The following ZDHHC19 variants were observed in gnomAD, a reference collection of about 807,000 sequenced individuals.
ZDHHC19 encodes the protein zDHHC palmitoyltransferase 19, also known as palmitoyltransferase ZDHHC19.
ZDHHC19 carries 30 observed loss-of-function variants against 33.9 expected under a neutral mutation model. That is an observed-to-expected ratio of 0.88 (90% CI 0.66 to 1.20). ZDHHC19 has a LOEUF of 1.20. ZDHHC19 is among the 50% of genes most tolerant of loss of function. The pLI, the probability that ZDHHC19 is intolerant of heterozygous loss-of-function variation, is 0.00. For synonymous variants in ZDHHC19, 178 were observed against 167.6 expected, an observed-to-expected ratio of 1.06 and a Z score of -0.48; for missense variants, 364 against 401.1, an observed-to-expected ratio of 0.91 and a Z score of 0.79.
chr3:196,208,885 C>T (rs1046447991), intron 3 of ZDHHC19: 21 of 352,262 alleles, frequency 6.0e-5, no homozygotes, highest in Non-Finnish European at 7.9e-5. Flanking sequence ...CTCATCCATT[C>T]GATGAAGATG....
chr3:196,210,455 G>GAAAAGAA (rs61351386), intron 2 of ZDHHC19, among the ~76,000 whole-genome samples, 161 bp downstream of exon 2: 12,160 of 144,080 alleles, frequency 0.084, 2,164 homozygotes, highest in African/African-American at 0.3. Flanking sequence ...AAAGAAAAGA[G>GAAAAGAA]AAGAGAAGAA....
chr3:196,207,536 C>A, intron 4 of ZDHHC19, 33 bp from the exon 5 acceptor site: 1 of 1,506,082 alleles, frequency 6.6e-7, no homozygotes. Flanking sequence ...CTGCGGGACC[C>A]CCACGCCTGG....
At chr3:196,207,626 AGCCCC>A (rs1722858118) in intron 4 of ZDHHC19, 123 bp from the exon 5 acceptor site, 3 of 76,284 alleles carry the variant, frequency 3.9e-5, no homozygotes, top group East Asian at 1.6e-4. Context: ...CTCCGCCCCG[AGCCCC>A]GCCCCGCCCC....
chr3:196,200,357 T>TAA lies in ZDHHC19; in HGVS notation c.688-1485_688-1484dup, dbSNP rs1553817385. On this transcript the variant is annotated intron_variant, in intron 5 of 7. Coordinates refer to ENST00000296326, the MANE Select transcript of ZDHHC19 (RefSeq NM_001039617.2). ...ATATATATATATGTATATATATATATAATTTTTTTTTTTTTGAGATGGAGT... is the reference window on the plus strand; with the variant it reads ...ATATATATATATGTATATATATATATAAAATTTTTTTTTTTTTGAGATGGAGT... Among the ~76,000 whole-genome samples the TAA allele has an allele frequency of 5.1e-3, 265 of 52,416 alleles. 4 individuals are homozygous for TAA. Among genetic ancestry groups the TAA allele is most frequent in the Middle Eastern group, 0.041 (3 of 74 alleles). The allele number at this position is 52,416 out of a possible 152,430, so 34.4% of individuals were successfully genotyped here.
chr3:196,211,123 TG>T (rs1723269706), intron 1 of ZDHHC19, 46 bp downstream of exon 1: 7 of 1,613,746 alleles, frequency 4.3e-6, no homozygotes, highest in African/African-American at 1.3e-5. Context: ...TCTGTTTCCC[TG>T]GCTGTCTCTT....
chr3:196,204,452 A>C (rs902452466), intron 5 of ZDHHC19, among the ~76,000 whole-genome samples: 23 of 152,212 alleles, frequency 1.5e-4, no homozygotes, highest in African/African-American at 5.5e-4. Context: ...ATTCTCCCCA[A>C]ACTGATCTAT....
chr3:196,201,216 G>GCGCC lies in ZDHHC19; in HGVS notation c.688-2343_688-2342insGGCG, dbSNP rs1462187750. On this transcript the variant is annotated intron_variant, in intron 5 of 7. Transcript: ENST00000296326. ...GCCTCCCAAGTAGCTGGGATTACAG[G>GCGCC]CACCCACCATCACGCCCAGCTAATT... is the stretch of plus-strand genomic sequence containing the variant. Among the ~76,000 whole-genome samples the GCGCC allele has an allele frequency of 8.5e-4, 129 of 151,500 alleles. 2 individuals carry two copies. Among genetic ancestry groups the GCGCC allele is most frequent in the African/African-American group, 3.0e-3 (124 of 41,034 alleles).
chr3:196,210,065 C>G (rs535697249), intron 2 of ZDHHC19, among the ~76,000 whole-genome samples: 18 of 152,246 alleles, frequency 1.2e-4, no homozygotes, highest in Admixed American at 1.0e-3. Flanking sequence ...GTAGCATGCT[C>G]CTGTAGCCCC....
intron 6 of ZDHHC19, 129 bp downstream of exon 6, chr3:196,198,660 C>A: frequency 6.3e-7 from 1 of 1,575,118 alleles, no homozygotes. Flanking sequence ...TCCCAGTGCC[C>A]TGGAGAAAAC....
chr3:196,211,311 G>A lies in ZDHHC19; in HGVS notation c.5C>T (p.Thr2Ile), dbSNP rs1336097588. M[T>I]LLTDATPLVK... ...CAGCGGCGTGGCATCCGTTAAGAGTGTCATGGCTGGGCCTCCTTCGCCTCC... is the reference window on the plus strand; with the variant it reads ...CAGCGGCGTGGCATCCGTTAAGAGTATCATGGCTGGGCCTCCTTCGCCTCC... The change falls in exon 1 of 8, where the codon ACA becomes ATA. Residue 2 changes from threonine to isoleucine, a missense_variant. Physicochemically the swap from Thr to Ile is moderately conservative, Grantham distance 89 (BLOSUM62 -1). Transcript: ENST00000296326. The A allele has an allele frequency of 6.2e-7, 1 of 1,608,486 alleles. No homozygotes were observed. The highest frequency in any genetic ancestry group is 8.5e-7 in the Non-Finnish European group (1 of 1,176,566).
chr3:196,198,523 G>A, intron 6 of ZDHHC19, 72 bp from the exon 7 acceptor site: 1 of 1,582,104 alleles, frequency 6.3e-7, no homozygotes, highest in East Asian at 2.3e-5. Context: ...CCTCAGCTTG[G>A]GAAGCACACG....
At chr3:196,200,690 G>C (rs1486521764) in intron 5 of ZDHHC19, among the ~76,000 whole-genome samples, 1 of 127,588 alleles carries the variant, frequency 7.8e-6, no homozygotes, top group Non-Finnish European at 1.6e-5. Context: ...TTTTGCTCTT[G>C]TTGCCCAGGC....
rs376643172 is a variant in ZDHHC19, at chr3:196,200,208, G to C, written c.688-1334C>G. ...GAGGATCCCTTGAGCCTAGGAGTTCGAGGCTGCAGTGAGCTATGATTACGC... is the reference window on the plus strand; with the variant it reads ...GAGGATCCCTTGAGCCTAGGAGTTCCAGGCTGCAGTGAGCTATGATTACGC... On this transcript the variant is annotated intron_variant, in intron 5 of 7. Transcript: ENST00000296326. Among the ~76,000 whole-genome samples the C allele has an allele frequency of 2.0e-5, 3 of 150,888 alleles. No homozygotes were observed. The Admixed American group carries it at 2.0e-4, about 10-fold the overall frequency.
chr3:196,201,025 A>G (rs1438772446), intron 5 of ZDHHC19, among the ~76,000 whole-genome samples: 5 of 151,700 alleles, frequency 3.3e-5, no homozygotes, highest in Non-Finnish European at 7.4e-5. Context: ...GGCATAGAAA[A>G]ATGCTTAAAG....
At chr3:196,199,894 G>A (rs913317909) in intron 5 of ZDHHC19, among the ~76,000 whole-genome samples, 32 of 151,892 alleles carry the variant, frequency 2.1e-4, no homozygotes, top group Middle Eastern at 3.2e-3. Context: ...GCAGTGAGCC[G>A]AGATCATGCC....
Position 196,206,679 on chromosome 3 carries a change from C to CT in ZDHHC19, c.687+718dup, listed in dbSNP as rs10578928. Among the ~76,000 whole-genome samples the CT allele has an allele frequency of 1.1e-3, 129 of 112,768 alleles. 1 individual carries two copies. The highest frequency in any genetic ancestry group is 5.2e-3 in the Middle Eastern group (1 of 192). 74.0% of individuals were successfully genotyped at this position (112,768 alleles called of 152,430 possible). On this transcript the variant is annotated intron_variant, in intron 5 of 7. Transcript: ENST00000296326. ...GGAACTTTTTCTTTTCTTTTCTTTT[C>CT]TTTTTTTTTTTTTTTTTTTGGAGGC...
In ZDHHC19 at chr3:196,211,377, C is replaced by T; in HGVS notation, c.-62G>A. The T allele has an allele frequency of 2.0e-6, 3 of 1,534,358 alleles. No individual in the cohort carries two copies. Among genetic ancestry groups the T allele is most frequent in the South Asian group, 1.3e-5 (1 of 77,522 alleles). ...CACCAGGCTTCCTCCCCCAGCCCAG[C>T]TTCCAGAGCTCCATGGCCACGGCAG... On this transcript the variant is annotated 5_prime_UTR_variant, in exon 1 of 8. Coordinates refer to ENST00000296326, the MANE Select transcript of ZDHHC19 (RefSeq NM_001039617.2).
At chr3:196,206,155 G>A (rs2108731948) in intron 5 of ZDHHC19, among the ~76,000 whole-genome samples, 1 of 151,906 alleles carries the variant, frequency 6.6e-6, no homozygotes, top group South Asian at 2.1e-4. Flanking sequence ...AGGTTCAAGC[G>A]ATTCTTGTGC....
chr3:196,210,976 G>A (rs1723255641), intron 1 of ZDHHC19, among the ~76,000 whole-genome samples, 194 bp downstream of exon 1: 1 of 151,134 alleles, frequency 6.6e-6, no homozygotes, highest in South Asian at 2.1e-4. Flanking sequence ...TCGGTTCCTG[G>A]AACAGAATAT....
Sources: allele counts gnomAD v4.1 joint callset (sites outside exome capture counted in the v4.1 genomes callset), GRCh38; gene constraint gnomAD v4.1.1; transcripts MANE v1.5; gene names NCBI Gene and HGNC (gene_info 2026-07-23, HGNC 2026-07-21).